Variants in KLHL1 observed in about 807,000 individuals in gnomAD.
The protein encoded by KLHL1 is kelch-like protein 1.
Under a neutral mutation model 77.7 loss-of-function variants are expected in KLHL1, and 47 were observed. That is an observed-to-expected ratio of 0.60 (90% CI 0.48 to 0.77). KLHL1 has a LOEUF of 0.77. KLHL1 is among the 30% of genes least tolerant of loss of function. The pLI, the probability that KLHL1 is intolerant of heterozygous loss-of-function variation, is 0.00. For synonymous variants in KLHL1, 360 were observed against 325.2 expected, an observed-to-expected ratio of 1.11 and a Z score of -1.15; for missense variants, 925 against 910.8, an observed-to-expected ratio of 1.02 and a Z score of -0.20.
chr13:70,008,267 T>C (rs1343546679), intron 1 of KLHL1, among the ~76,000 whole-genome samples: 2 of 152,094 alleles, frequency 1.3e-5, no homozygotes, highest in African/African-American at 4.8e-5. Flanking sequence ...ATTGTTATTC[T>C]TCTCTGATCC....
chr13:70,082,622 T>C (rs1887423991), intron 1 of KLHL1, among the ~76,000 whole-genome samples: 1 of 152,196 alleles, frequency 6.6e-6, no homozygotes, highest in Non-Finnish European at 1.5e-5. Flanking sequence ...ATAATTTCAA[T>C]TTTTATTTAA....
At chr13:69,982,737 A>G (rs1884747153) in intron 1 of KLHL1, among the ~76,000 whole-genome samples, 1 of 151,954 alleles carries the variant, frequency 6.6e-6, no homozygotes, top group Non-Finnish European at 1.5e-5. Flanking sequence ...TACCAACTAT[A>G]ATAGTTATAT....
chr13:69,859,760 A>T (rs1377009187), intron 5 of KLHL1, among the ~76,000 whole-genome samples: 1 of 152,138 alleles, frequency 6.6e-6, no homozygotes, highest in African/African-American at 2.4e-5. Context: ...AACCAAGGAG[A>T]GGAAAAACAT....
chr13:69,876,580 A>G (rs1000199557), intron 5 of KLHL1, among the ~76,000 whole-genome samples: 31 of 152,180 alleles, frequency 2.0e-4, no homozygotes, highest in African/African-American at 7.2e-4. Flanking sequence ...ATATTCTATT[A>G]TTTCATTGCA....
chr13:69,885,554 T>C (rs1881184552), intron 4 of KLHL1, among the ~76,000 whole-genome samples: 1 of 152,212 alleles, frequency 6.6e-6, no homozygotes, highest in African/African-American at 2.4e-5. Flanking sequence ...ATTAGTTGTT[T>C]TAACATCATT....
At chr13:69,781,706 C>T (rs985588561) in intron 7 of KLHL1, among the ~76,000 whole-genome samples, 1 of 152,026 alleles carries the variant, frequency 6.6e-6, no homozygotes, top group Non-Finnish European at 1.5e-5. Context: ...ACATAAAATC[C>T]GTTTTTTTGT....
rs1436808876 is a variant in KLHL1, at chr13:69,796,958, A to G, written c.1419T>C (p.Ala473=). Residue 473 remains alanine (A), a synonymous_variant, in exon 7 of 11, where the codon GCT becomes GCC. Coordinates refer to ENST00000377844, the MANE Select transcript of KLHL1 (RefSeq NM_020866.3). ...TCAGATCATATTTCTCTATAGTTGT[A>G]GCTCCTGATAAAACATAAAATCAAA... is the stretch of plus-strand genomic sequence containing the variant. ...AVGGMDNNKG[A]TTIEKYDLRT... 1 of 1,612,986 alleles carries G rather than the reference A, an allele frequency of 6.2e-7. No individual in the cohort carries two copies. The highest frequency in any genetic ancestry group is 8.5e-7 in the Non-Finnish European group (1 of 1,179,236).
chr13:69,816,964 G>A (rs1878146165), intron 6 of KLHL1, among the ~76,000 whole-genome samples: 1 of 151,130 alleles, frequency 6.6e-6, no homozygotes, highest in Non-Finnish European at 1.5e-5. Context: ...TCTCAGAATA[G>A]TAAAAAAATA....
intron 7 of KLHL1, among the ~76,000 whole-genome samples, chr13:69,782,463 T>TAATA (rs1876276864): frequency 6.6e-6 from 1 of 152,194 alleles, no homozygotes; most frequent in African/African-American, 2.4e-5. Context: ...ACTCCCACCC[T>TAATA]AATACTGTGC....
chr13:69,905,584 A>G (rs2138234548), intron 4 of KLHL1, among the ~76,000 whole-genome samples: 1 of 152,234 alleles, frequency 6.6e-6, no homozygotes, highest in South Asian at 2.1e-4. Context: ...AAAGCCTTGA[A>G]TTCCTGCCAA....
intron 8 of KLHL1, among the ~76,000 whole-genome samples, chr13:69,730,318 A>C (rs548753839): frequency 6.6e-6 from 1 of 151,962 alleles, no homozygotes; most frequent in African/African-American, 2.4e-5. Flanking sequence ...AAAATAATGT[A>C]AAAAGTGAAT....
At chr13:69,723,069 G>A (rs1873142292) in intron 8 of KLHL1, among the ~76,000 whole-genome samples, 1 of 151,968 alleles carries the variant, frequency 6.6e-6, no homozygotes, top group Non-Finnish European at 1.5e-5. Flanking sequence ...AAATAAGCCA[G>A]GCACAGAAAG....
chr13:69,923,462 C>T (rs1882710193), intron 4 of KLHL1, among the ~76,000 whole-genome samples: 1 of 152,128 alleles, frequency 6.6e-6, no homozygotes, highest in Non-Finnish European at 1.5e-5. Flanking sequence ...GCACAGAATA[C>T]TACAGAGTGT....
At chr13:69,911,591 G>A (rs778341672) in intron 4 of KLHL1, among the ~76,000 whole-genome samples, 2 of 147,980 alleles carry the variant, frequency 1.4e-5, no homozygotes, top group African/African-American at 4.9e-5. Context: ...AAAGCCCAAA[G>A]CACTAATAGT....
At chr13:69,840,028 C>A (rs188058738) in intron 5 of KLHL1, among the ~76,000 whole-genome samples, 190 of 152,034 alleles carry the variant, frequency 1.2e-3, no homozygotes, top group African/African-American at 4.3e-3. Flanking sequence ...AGCATTTACT[C>A]ACTGAACTTT....
intron 4 of KLHL1, among the ~76,000 whole-genome samples, chr13:69,921,819 T>TATA (rs1306649396): frequency 6.6e-6 from 1 of 151,814 alleles, no homozygotes; most frequent in East Asian, 1.9e-4. Context: ...TCCGCATAGA[T>TATA]ATAAGAACAA....
intron 7 of KLHL1, among the ~76,000 whole-genome samples, chr13:69,760,647 G>A (rs746139389): frequency 2.0e-5 from 3 of 152,012 alleles, no homozygotes; most frequent in Non-Finnish European, 4.4e-5. Flanking sequence ...AAGCAACTGT[G>A]CCCTGCCACA....
At chr13:70,065,516 T>C (rs936308374) in intron 1 of KLHL1, among the ~76,000 whole-genome samples, 9 of 152,180 alleles carry the variant, frequency 5.9e-5, no homozygotes, top group African/African-American at 2.2e-4. Flanking sequence ...CTACAATCAG[T>C]GACAAGAAAA....
chr13:69,975,833 C>A (rs1258558179), intron 1 of KLHL1, 31 bp from the exon 2 acceptor site: 28 of 1,502,570 alleles, frequency 1.9e-5, no homozygotes, highest in Admixed American at 7.5e-5. Context: ...CACACACACA[C>A]AAAATAATAA....
Sources: allele counts gnomAD v4.1 joint callset (sites outside exome capture counted in the v4.1 genomes callset), GRCh38; gene constraint gnomAD v4.1.1; transcripts MANE v1.5; gene names NCBI Gene and HGNC (gene_info 2026-07-23, HGNC 2026-07-21).